The following THEMIS variants were observed in gnomAD, a reference collection of about 807,000 sequenced individuals.
THEMIS encodes protein THEMIS.
THEMIS carries 37 observed loss-of-function variants against 52.6 expected under a neutral mutation model. The ratio of observed to expected loss-of-function variants is 0.70; its 90% confidence interval spans 0.54 to 0.93. The LOEUF (loss-of-function observed/expected upper bound fraction) is 0.93, where lower values mean the gene tolerates loss of function less well. Among genes scored for constraint, THEMIS ranks in the 40% least tolerant of loss-of-function variants. THEMIS has a pLI of 0.00. For synonymous variants in THEMIS, 292 were observed against 272.7 expected, an observed-to-expected ratio of 1.07 and a Z score of -0.70; for missense variants, 808 against 763.1, an observed-to-expected ratio of 1.06 and a Z score of -0.69.
intron 4 of THEMIS, among the ~76,000 whole-genome samples, chr6:127,794,852 G>C (rs1203819902): frequency 1.3e-5 from 2 of 152,036 alleles, no homozygotes; most frequent in Non-Finnish European, 2.9e-5. Context: ...TCATTTAGCT[G>C]TATCATTTAC....
chr6:127,733,763 C>T (rs755895215), intron 4 of THEMIS, among the ~76,000 whole-genome samples: 9 of 152,002 alleles, frequency 5.9e-5, no homozygotes, highest in South Asian at 2.1e-4. Context: ...GACAGAAGAA[C>T]GTTTTGGGAG....
At position 127,813,033 on chromosome 6, in the gene THEMIS, A is replaced by C; in HGVS notation, c.1608T>G (p.Thr536=). The C allele has an allele frequency of 1.2e-6, 2 of 1,614,128 alleles. No individual in the cohort carries two copies. Among genetic ancestry groups the C allele is most frequent in the Admixed American group, 1.7e-5 (1 of 59,998 alleles). ...FLVRTLVEEI[T]EEQYYMMRRY... ...TCCGCATCATGTAATATTGCTCTTC[A>C]GTGATCTCTTCTACCAGAGTCCTGA... The change falls in exon 4 of 6, where the codon ACT becomes ACG. Residue 536 remains threonine (T), a synonymous_variant. Transcript: ENST00000368248.
rs1774301989 is a variant in THEMIS, at chr6:127,719,801, T to C, written c.1781A>G (p.Lys594Arg). ...SPKRHHVDIT[K>R]KLHPNQAGLD... ...GCCAGCTTGATTTGGGTGAAGTTTC[T>C]TGGTTATGTCTACGTGATGACGCTG... Residue 594 changes from lysine (K) to arginine (R), a missense_variant, in exon 5 of 6, where the codon AAG becomes AGG. Transcript: ENST00000368248. 1 of 1,612,386 alleles carries C rather than the reference T, an allele frequency of 6.2e-7. No homozygotes were observed.
chr6:127,851,546 C>CAG (rs1779425616), intron 2 of THEMIS, among the ~76,000 whole-genome samples: 1 of 151,608 alleles, frequency 6.6e-6, no homozygotes, highest in Non-Finnish European at 1.5e-5. Flanking sequence ...GAACAGACAC[C>CAG]TCACCAAAGA....
chr6:127,763,945 A>G (rs566520756), intron 4 of THEMIS, among the ~76,000 whole-genome samples: 44 of 152,038 alleles, frequency 2.9e-4, no homozygotes, highest in Middle Eastern at 6.8e-3. Flanking sequence ...CTCACATTAT[A>G]TTACTATCGA....
intron 4 of THEMIS, among the ~76,000 whole-genome samples, chr6:127,788,122 G>A (rs1777037891): frequency 6.6e-6 from 1 of 152,164 alleles, no homozygotes; most frequent in South Asian, 2.1e-4. Flanking sequence ...TTCCTCAGGT[G>A]AGGGAGAGTC....
Position 127,855,044 on chromosome 6 carries a change from G to A in THEMIS, c.236C>T (p.Pro79Leu), listed in dbSNP as rs1442679451. The A allele has an allele frequency of 8.0e-5, 128 of 1,604,438 alleles. No homozygotes were observed. The highest frequency in any genetic ancestry group is 1.1e-4 in the Non-Finnish European group (124 of 1,176,366). The change falls in exon 2 of 6, where the codon CCT becomes CTT. Residue 79 changes from proline (P) to leucine (L), a missense_variant. Physicochemically the swap from Pro to Leu is moderately conservative, Grantham distance 98 (BLOSUM62 -3). Coordinates refer to ENST00000368248, the MANE Select transcript of THEMIS (RefSeq NM_001010923.3). Reference sequence around the variant, plus strand: ...ATGTGCTGTACCTGGAAAATTCATAGGCAGTTCAAATGGCTGTAGAGACTC... The same window carrying A: ...ATGTGCTGTACCTGGAAAATTCATAAGCAGTTCAAATGGCTGTAGAGACTC... ...GCESLQPFEL[P>L]MNFPGLFKIV...
intron 4 of THEMIS, among the ~76,000 whole-genome samples, chr6:127,720,660 C>A (rs1425349213): frequency 6.6e-6 from 1 of 151,954 alleles, no homozygotes; most frequent in East Asian, 1.9e-4. Context: ...GTATAATGGA[C>A]AACTTTCCTG....
upstream of THEMIS, among the ~76,000 whole-genome samples, chr6:127,902,822 G>A (rs911408001): frequency 4.6e-5 from 7 of 151,962 alleles, no homozygotes; most frequent in African/African-American, 7.2e-5. Flanking sequence ...GGCTTCTGTG[G>A]ACTGCTCCTT....
intron 4 of THEMIS, among the ~76,000 whole-genome samples, chr6:127,779,735 T>C (rs770675006): frequency 1.2e-4 from 18 of 152,242 alleles, no homozygotes; most frequent in Non-Finnish European, 2.4e-4. Flanking sequence ...CTGTGAAATA[T>C]AGGAAAAATT....
chr6:127,709,420 GAC>G lies in THEMIS; in HGVS notation c.*563_*564del, dbSNP rs1773898845. 1 of 151,988 alleles carries G rather than the reference GAC, an allele frequency of 6.6e-6. No homozygotes were observed. The highest frequency in any genetic ancestry group is 2.1e-4 in the South Asian group (1 of 4,826). The allele number at this position is 151,988 out of a possible 1,614,324, so 9.4% of individuals were successfully genotyped here. A position where few individuals can be genotyped will look rare whatever the true frequency, so the allele number is the denominator to read the frequency against. ...GCTGTTGGAATTCAAACATATTTAT[GAC>G]ACAGCGTATTTTGTAAATACACTGT... is the stretch of plus-strand genomic sequence containing the variant. On this transcript the variant is annotated 3_prime_UTR_variant, in exon 6 of 6. Coordinates refer to ENST00000368248, the MANE Select transcript of THEMIS (RefSeq NM_001010923.3).
At chr6:127,891,258 C>T (rs1046690706) in intron 1 of THEMIS, among the ~76,000 whole-genome samples, 4 of 151,946 alleles carry the variant, frequency 2.6e-5, no homozygotes, top group African/African-American at 9.7e-5. Flanking sequence ...CGGCCAGGCG[C>T]GGTGGCTCAC....
chr6:127,893,639 T>G (rs890602806), intron 1 of THEMIS, among the ~76,000 whole-genome samples: 4 of 152,134 alleles, frequency 2.6e-5, no homozygotes, highest in Non-Finnish European at 5.9e-5. Flanking sequence ...GTGATGAACA[T>G]TCTCCCTATT....
At chr6:127,771,114 T>C (rs1221368292) in intron 4 of THEMIS, among the ~76,000 whole-genome samples, 3 of 152,162 alleles carry the variant, frequency 2.0e-5, no homozygotes, top group Admixed American at 2.0e-4. Context: ...CATGCATTCC[T>C]GTACTCTAAT....
At chr6:127,753,579 A>G (rs2114348656) in intron 4 of THEMIS, among the ~76,000 whole-genome samples, 1 of 152,148 alleles carries the variant, frequency 6.6e-6, no homozygotes, top group African/African-American at 2.4e-5. Context: ...TTTCACAGAA[A>G]TAGAAAAAAA....
At chr6:127,745,692 C>T (rs571008737) in intron 4 of THEMIS, among the ~76,000 whole-genome samples, 5 of 151,842 alleles carry the variant, frequency 3.3e-5, no homozygotes, top group African/African-American at 1.2e-4. Flanking sequence ...AAATAACATC[C>T]ACACCAGTTC....
At chr6:127,895,871 A>G (rs148185758) in intron 1 of THEMIS, among the ~76,000 whole-genome samples, 2 of 151,476 alleles carry the variant, frequency 1.3e-5, no homozygotes, top group African/African-American at 2.4e-5. Flanking sequence ...CGTAAGTTCA[A>G]CTAACTTGAT....
intron 4 of THEMIS, among the ~76,000 whole-genome samples, chr6:127,776,248 T>G (rs1325808963): frequency 2.0e-5 from 3 of 152,258 alleles, no homozygotes; most frequent in Admixed American, 6.5e-5. Flanking sequence ...AATCACTGGC[T>G]CCTGCATTTA....
chr6:127,805,563 T>C (rs1469200534), intron 4 of THEMIS, among the ~76,000 whole-genome samples: 1 of 152,084 alleles, frequency 6.6e-6, no homozygotes, highest in African/African-American at 2.4e-5. Context: ...CGTTTTTTAC[T>C]TTTCAAAGTT....
Sources: allele counts gnomAD v4.1 joint callset (sites outside exome capture counted in the v4.1 genomes callset), GRCh38; gene constraint gnomAD v4.1.1; transcripts MANE v1.5; gene names NCBI Gene and HGNC (gene_info 2026-07-23, HGNC 2026-07-21).